Variants in ADGRE2 observed in about 807,000 individuals in gnomAD.
ADGRE2 encodes the protein CD97 antigen.
A neutral mutation model predicts 100.8 loss-of-function variants in ADGRE2; 83 were observed. The ratio of observed to expected loss-of-function variants is 0.82; its 90% CI spans 0.69 to 0.99. ADGRE2 has a LOEUF of 0.99. Ranked by LOEUF, ADGRE2 falls within the 50% of genes least tolerant of loss-of-function variation. The pLI, the probability that ADGRE2 is intolerant of heterozygous loss-of-function variation, is 0.00. For missense variants in ADGRE2, 814 were observed against 1,035.7 expected, an observed-to-expected ratio of 0.79 and a Z score of 2.94; for synonymous variants, 355 against 413.0, an observed-to-expected ratio of 0.86 and a Z score of 1.70.
chr19:14,760,648 C>A lies in ADGRE2; in HGVS notation c.1084+3785G>T, dbSNP rs117671650. ...AAAAAAAATTCGAAGTCCTCTCCCG[C>A]CCCCCTCAAAACCATCTGAATGGAC... On this transcript the variant is annotated intron_variant, in intron 11 of 20. Transcript: ENST00000315576. 1.1e-3 allele frequency among the ~76,000 whole-genome samples: 174 copies of A among 152,192 alleles called. 6 individuals carry two copies. The East Asian group carries it at 0.027, about 23-fold the overall frequency.
rs2042684107 is a variant in ADGRE2, at chr19:14,732,707, G to T, written c.*3529C>A. The T allele has an allele frequency of 6.6e-6, 1 of 152,210 alleles. No homozygotes were observed. The highest frequency in any genetic ancestry group is 6.5e-5 in the Admixed American group (1 of 15,278). The allele number at this position is 152,210 out of a possible 1,614,324, so 9.4% of individuals were successfully genotyped here. A position where few individuals can be genotyped will look rare whatever the true frequency, so the allele number is the denominator to read the frequency against. ...GACTGATATATGAAGTTCAAGCTCA[G>T]TGTCCATAAAGTTTTATTAAAACAT... On this transcript the variant is annotated 3_prime_UTR_variant, in exon 21 of 21. Transcript: ENST00000315576.
rs939273057 is a variant in ADGRE2, at chr19:14,759,967, C to T, written c.1085-3622G>A. ...CCGAGTAGCTGGGACTACAGGCACC[C>T]GCCACCACGCCTGGCTAATTTTTTG... On this transcript the variant is annotated intron_variant, in intron 11 of 20. Transcript: ENST00000315576. 7.2e-5 allele frequency among the ~76,000 whole-genome samples: 11 copies of T among 152,046 alleles called. 1 individual carries two copies. The highest frequency in any genetic ancestry group is 4.2e-4 in the South Asian group (2 of 4,808).
chr19:14,778,335 G>A lies in ADGRE2; in HGVS notation c.-250C>T. 5.6e-6 allele frequency: 1 copy of A among 178,166 alleles called. No individual in the cohort carries two copies. Among genetic ancestry groups the A allele is most frequent in the Admixed American group, 6.5e-5 (1 of 15,296 alleles). The allele number at this position is 178,166 out of a possible 1,614,324, so 11.0% of individuals were successfully genotyped here. Reference sequence around the variant, plus strand: ...AGGCAGGAAGAATCACCCGAGCTGGGGAGTTTGAGGCTGCGGTGAGCTAAG... The same window carrying A: ...AGGCAGGAAGAATCACCCGAGCTGGAGAGTTTGAGGCTGCGGTGAGCTAAG... On this transcript the variant is annotated 5_prime_UTR_variant, in exon 1 of 21. Transcript: ENST00000315576.
downstream of ADGRE2, chr19:14,731,221 A>G (rs765138550): frequency 1.3e-6 from 2 of 1,530,920 alleles, no homozygotes; most frequent in South Asian, 1.2e-5. Flanking sequence ...ACTCTCTTGC[A>G]TGTTCAGATC....
rs777070120 is a variant in ADGRE2 at position 14,765,576 on chromosome 19, G to C, written c.782-6C>G. 3 of 1,614,304 alleles carry C rather than the reference G, an allele frequency of 1.9e-6. No individual in the cohort carries two copies. Among genetic ancestry groups the C allele is most frequent in the Non-Finnish European group, 2.5e-6 (3 of 1,180,054 alleles). ...CCAGGTGGAGAAAGTCATATCTGTA[G>C]GGAACAAGACAAGCGGCTCATTAGG... is the stretch of plus-strand genomic sequence containing the variant. On this transcript the variant is annotated splice_polypyrimidine_tract_variant and splice_region_variant and intron_variant, in intron 8 of 20. Coordinates refer to ENST00000315576, the MANE Select transcript of ADGRE2 (RefSeq NM_013447.4).
In ADGRE2 at chr19:14,766,310, A is replaced by G. The variant is rs1308301401; in HGVS notation, c.559T>C (p.Tyr187His). 8.7e-6 allele frequency: 14 copies of G among 1,614,070 alleles called. No individual in the cohort carries two copies. In the East Asian group the frequency reaches 3.1e-4, roughly 36 times the overall value. ...CAGCCCGGGCGGCAGCGGCACTGAT[A>G]GCTGCCCACGTTGTTGAGGCAGTGG... Reference protein sequence around the residue: ...STHCLNNVGSYQCRCRPGWQP... With the variant: ...STHCLNNVGSHQCRCRPGWQP... The change falls in exon 7 of 21, where the codon TAT (tyrosine) becomes CAT (histidine). Residue 187 changes from tyrosine (Y) to histidine (H), a missense_variant. This residue lies in a region of ADGRE2 where 69 missense variants were observed against 75.3 expected (regional missense o/e 0.92). Transcript: ENST00000315576.
downstream of ADGRE2, chr19:14,731,271 G>A: frequency 7.5e-7 from 1 of 1,333,992 alleles, no homozygotes; most frequent in Non-Finnish European, 1.0e-6. Context: ...ATCACTACTG[G>A]GGCTTGAAGA....
chr19:14,743,926 C>T lies in ADGRE2; in HGVS notation c.2184-142G>A. The T allele has an allele frequency of 5.0e-6, 4 of 797,760 alleles. No homozygotes were observed. In the South Asian group the frequency reaches 7.0e-5, roughly 14 times the overall value. 49.4% of individuals were successfully genotyped at this position (797,760 alleles called of 1,614,324 possible). A position where few individuals can be genotyped will look rare whatever the true frequency, so the allele number is the denominator to read the frequency against. On this transcript the variant is annotated intron_variant, in intron 18 of 20. Transcript: ENST00000315576. The stretch of plus-strand genomic sequence containing the variant: ...TGTGGTCAGCTTAGATATTTACTGT[C>T]AACTATAGCCCACAGTAGAAATGCC...
At chr19:14,754,439 T>TTATCTATCTATCTATCTATC (rs58065037) in intron 14 of ADGRE2, among the ~76,000 whole-genome samples, 7 of 126,248 alleles carry the variant, frequency 5.5e-5, no homozygotes, top group East Asian at 5.3e-4. Context: ...CAGGCAGAAA[T>TTATCTATCTATCTATCTATC]TATCTATCTA....
chr19:14,758,677 G>A (rs890339252), intron 11 of ADGRE2, among the ~76,000 whole-genome samples: 2 of 152,190 alleles, frequency 1.3e-5, no homozygotes, highest in Non-Finnish European at 2.9e-5. Context: ...GAGGTCAGGA[G>A]ATCGAGACCA....
At chr19:14,739,149 T>C (rs1279545847) in intron 20 of ADGRE2, among the ~76,000 whole-genome samples, 1 of 152,000 alleles carries the variant, frequency 6.6e-6, no homozygotes, top group Non-Finnish European at 1.5e-5. Flanking sequence ...TTTGTGTTTT[T>C]AGTAGAGGTG....
chr19:14,736,173 T>C lies in ADGRE2; in HGVS notation c.*63A>G. 6.6e-7 allele frequency: 1 copy of C among 1,522,622 alleles called. No homozygotes were observed. Among genetic ancestry groups the C allele is most frequent in the Non-Finnish European group, 9.1e-7 (1 of 1,100,658 alleles). 94.3% of individuals were successfully genotyped at this position (1,522,622 alleles called of 1,614,324 possible). A position where few individuals can be genotyped will look rare whatever the true frequency, so the allele number is the denominator to read the frequency against. Reference sequence around the variant, plus strand: ...CAAAGTCTTTTCTTTCCCCTCTAGATGGCTCAAAGATTGTTCAGATTTTCC... The same window carrying C: ...CAAAGTCTTTTCTTTCCCCTCTAGACGGCTCAAAGATTGTTCAGATTTTCC... On this transcript the variant is annotated 3_prime_UTR_variant, in exon 21 of 21. Transcript: ENST00000315576.
chr19:14,737,454 A>C (rs1437783142), intron 20 of ADGRE2, among the ~76,000 whole-genome samples: 1 of 152,076 alleles, frequency 6.6e-6, no homozygotes, highest in Admixed American at 6.6e-5. Flanking sequence ...TCAACCTCCC[A>C]AAAATGCTGG....
At chr19:14,729,441 C>T (rs185390346), downstream of ADGRE2, among the ~76,000 whole-genome samples, 23 of 152,150 alleles carry the variant, frequency 1.5e-4, no homozygotes, top group Admixed American at 3.9e-4. Flanking sequence ...TCACTGCAGC[C>T]TCAAACTACT....
At chr19:14,744,860 T>A (rs910298412) in intron 18 of ADGRE2, among the ~76,000 whole-genome samples, 9 of 151,552 alleles carry the variant, frequency 5.9e-5, no homozygotes, top group African/African-American at 2.2e-4. Flanking sequence ...CAGACTGGGC[T>A]GTGGGAACAG....
chr19:14,749,293 T>TTATATATAATTA (rs2043187807), intron 16 of ADGRE2, among the ~76,000 whole-genome samples: 1 of 113,442 alleles, frequency 8.8e-6, no homozygotes, highest in African/African-American at 3.1e-5. Context: ...GCTTATATAA[T>TTATATATAATTA]TATATGTAAT....
rs2044243738 is a variant in ADGRE2 at position 14,772,409 on chromosome 19, G to C, written c.288C>G (p.Cys96Trp). ...WNTEGSYDCVCSPGYEPVSGA... is the reference protein window; with the variant it reads ...WNTEGSYDCVWSPGYEPVSGA... ...CAGAAACAGGCTCATATCCTGGGCTGCACACGCAGTCGTAGCTCCCCTCTG... is the reference window on the plus strand; with the variant it reads ...CAGAAACAGGCTCATATCCTGGGCTCCACACGCAGTCGTAGCTCCCCTCTG... The change falls in exon 5 of 21, where the codon TGC becomes TGG. Residue 96 changes from cysteine to tryptophan, a missense_variant. Physicochemically the swap from Cys to Trp is radical, Grantham distance 215. Around this residue, in one of 5 missense-constraint regions of ADGRE2, gnomAD observed 143 missense variants for 160.3 expected, o/e 0.89. Coordinates refer to ENST00000315576, the MANE Select transcript of ADGRE2 (RefSeq NM_013447.4). 1 of 1,613,938 alleles carries C rather than the reference G, an allele frequency of 6.2e-7. No homozygotes were observed. The highest frequency in any genetic ancestry group is 1.3e-5 in the African/African-American group (1 of 74,886).
At chr19:14,744,109 G>A (rs972067282) in intron 18 of ADGRE2, among the ~76,000 whole-genome samples, 7 of 151,306 alleles carry the variant, frequency 4.6e-5, no homozygotes, top group South Asian at 2.1e-4. Context: ...AGGTGTGGTC[G>A]GGGGGGCGCC....
At chr19:14,727,319 A>T in the ADGRE2 span, among the ~76,000 whole-genome samples, 4 of 152,000 alleles carry the variant, frequency 2.6e-5, no homozygotes, top group Admixed American at 6.6e-5. Flanking sequence ...TGAGCCACCA[A>T]GCCCGGCCCA....
Sources: gnomAD v4.1 joint callset for allele counts (sites outside exome capture counted in the v4.1 genomes callset) on GRCh38, gnomAD v4.1.1 for gene constraint, gnomAD v4.1.1 regional missense constraint, MANE v1.5 for transcripts, NCBI Gene and HGNC (gene_info 2026-07-23, HGNC 2026-07-21) for gene names.